Variants in WIPF1 observed in about 807,000 individuals in gnomAD.
WIPF1 encodes the protein WAS/WASL-interacting protein family member 1.
In WIPF1, 13 loss-of-function variants were observed where a neutral mutation model predicts 35.4. That is an observed-to-expected ratio of 0.37 (90% confidence interval 0.24 to 0.58). WIPF1 has a LOEUF of 0.58. WIPF1 is among the 20% of genes least tolerant of loss of function. The probability of loss-of-function intolerance (pLI) is 0.74; values close to 1 mark genes in which losing one functional copy is unlikely to be tolerated. For missense variants in WIPF1, 591 were observed against 667.0 expected, an observed-to-expected ratio of 0.89 and a Z score of 1.25; for synonymous variants, 267 against 266.3, an observed-to-expected ratio of 1.00 and a Z score of -0.02.
intron 1 of WIPF1, among the ~76,000 whole-genome samples, chr2:174,645,991 C>T (rs1251191202): frequency 6.6e-6 from 1 of 152,220 alleles, no homozygotes; most frequent in Non-Finnish European, 1.5e-5. Flanking sequence ...TACAGAACAA[C>T]AGACGTAGCA....
chr2:174,659,623 T>G (rs1311833721), intron 1 of WIPF1, among the ~76,000 whole-genome samples: 1 of 152,102 alleles, frequency 6.6e-6, no homozygotes, highest in East Asian at 1.9e-4. Context: ...GACTCCGGAT[T>G]ATCAACATTA....
chr2:174,572,078 A>AGGAGCTCAAGGG lies in WIPF1; in HGVS notation c.715_726dup (p.Pro239_Ser242dup). On this transcript the variant is annotated inframe_insertion, in exon 5 of 8. Transcript: ENST00000679041. ...GGAGGCCGGTTGGAGAAGGGCGAGG[A>AGGAGCTCAAGGG]GGAGCTCAAGGGGGACTGACGTATT... The AGGAGCTCAAGGG allele has an allele frequency of 6.4e-7, 1 of 1,568,146 alleles. No homozygotes were observed. Among genetic ancestry groups the AGGAGCTCAAGGG allele is most frequent in the Non-Finnish European group, 8.6e-7 (1 of 1,158,692 alleles).
At position 174,615,367 on chromosome 2, in the gene WIPF1, A is replaced by G. The variant is rs546240339; in HGVS notation, c.-38-29756T>C. 1.3e-4 allele frequency among the ~76,000 whole-genome samples: 20 copies of G among 152,336 alleles called. 1 individual carries two copies. The highest frequency in any genetic ancestry group is 4.6e-4 in the African/African-American group (19 of 41,586). ...GTTTTTAATGTATGAATCAGAGAAC[A>G]TAACAATCACTATAAATGTAGCATG... On this transcript the variant is annotated intron_variant, in intron 1 of 8. Transcript: ENST00000272746.
At chr2:174,595,109 A>ATATATATATAT (rs1553529786) in intron 1 of WIPF1, among the ~76,000 whole-genome samples, 5 of 57,750 alleles carry the variant, frequency 8.7e-5, no homozygotes, top group African/African-American at 4.5e-4. Context: ...AAAAAAAAAA[A>ATATATATATAT]ATATATATAT....
intron 1 of WIPF1, among the ~76,000 whole-genome samples, chr2:174,616,644 A>G (rs754586838): frequency 3.3e-5 from 5 of 152,240 alleles, no homozygotes; most frequent in Non-Finnish European, 5.9e-5. Flanking sequence ...GTTTAAAAAT[A>G]TTCTTCAAAT....
intron 2 of WIPF1, among the ~76,000 whole-genome samples, chr2:174,585,062 A>AG (rs2105840102): frequency 6.6e-6 from 1 of 152,262 alleles, no homozygotes; most frequent in Admixed American, 6.5e-5. Flanking sequence ...TGGGAAGAAG[A>AG]GGGGAAAAGG....
intron 1 of WIPF1, among the ~76,000 whole-genome samples, chr2:174,675,369 T>C (rs935831544): frequency 6.6e-6 from 1 of 152,326 alleles, no homozygotes; most frequent in Admixed American, 6.5e-5. Flanking sequence ...CTACTTATTT[T>C]TTTTTAGAGA....
chr2:174,576,868 G>A (rs1274138058), intron 3 of WIPF1, among the ~76,000 whole-genome samples: 1 of 152,126 alleles, frequency 6.6e-6, no homozygotes, highest in Non-Finnish European at 1.5e-5. Flanking sequence ...TTGTATTTAT[G>A]AGCTTAAACA....
At chr2:174,644,130 C>T (rs75645633) in intron 1 of WIPF1, among the ~76,000 whole-genome samples, 1 of 152,206 alleles carries the variant, frequency 6.6e-6, no homozygotes, top group East Asian at 1.9e-4. Flanking sequence ...CTTTTTCTGA[C>T]TGATCATGCT....
chr2:174,598,628 G>A (rs13411041), upstream of WIPF1, among the ~76,000 whole-genome samples: 45,931 of 152,046 alleles, frequency 0.3, 7,388 homozygotes, highest in Middle Eastern at 0.38. Flanking sequence ...CAGCAAATGA[G>A]TTTTGAAACG....
chr2:174,586,921 G>A (rs1191625184), intron 1 of WIPF1, among the ~76,000 whole-genome samples: 4 of 152,204 alleles, frequency 2.6e-5, no homozygotes, highest in African/African-American at 9.7e-5. Flanking sequence ...CGGGCAGTCT[G>A]GGTCACTGGC....
At chr2:174,661,874 G>C (rs776451406) in intron 1 of WIPF1, among the ~76,000 whole-genome samples, 1 of 152,158 alleles carries the variant, frequency 6.6e-6, no homozygotes, top group African/African-American at 2.4e-5. Flanking sequence ...GGTGTCTGGG[G>C]GGGTGTGGCT....
chr2:174,669,608 G>A (rs963681254), intron 1 of WIPF1, among the ~76,000 whole-genome samples: 3 of 152,344 alleles, frequency 2.0e-5, no homozygotes, highest in Non-Finnish European at 2.9e-5. Context: ...AGAGCTGGGC[G>A]CCGTGGCTCA....
chr2:174,584,604 A>G (rs1685341950), intron 2 of WIPF1, among the ~76,000 whole-genome samples: 1 of 152,168 alleles, frequency 6.6e-6, no homozygotes, highest in African/African-American at 2.4e-5. Flanking sequence ...AACTTCCCCA[A>G]AGAGGTCTAT....
chr2:174,649,023 GAGAA>G (rs1427429803), intron 1 of WIPF1, among the ~76,000 whole-genome samples: 1 of 152,150 alleles, frequency 6.6e-6, no homozygotes, highest in Non-Finnish European at 1.5e-5. Context: ...GAGGGAGAAG[GAGAA>G]AGAAAGTAAT....
In WIPF1 at chr2:174,575,399, C is replaced by T. The variant is rs756421959; in HGVS notation, c.182-19G>A. The T allele has an allele frequency of 1.9e-6, 3 of 1,593,106 alleles. No homozygotes were observed. The South Asian group carries it at 3.4e-5, about 18-fold the overall frequency. On this transcript the variant is annotated intron_variant, in intron 3 of 7. Coordinates refer to ENST00000679041, the MANE Select transcript of WIPF1 (RefSeq NM_001375834.1). ...TTAGGTTCTGTAGAAGAAGAGACAC[C>T]CGACAGACTATGCCCCCTGGTCTGG...
chr2:174,581,217 A>T (rs1685231173), intron 3 of WIPF1, 93 bp downstream of exon 3: 5 of 1,507,322 alleles, frequency 3.3e-6, no homozygotes, highest in Non-Finnish European at 4.4e-6. Flanking sequence ...TAACCAAAAA[A>T]TAAAATAAAA....
At chr2:174,624,188 A>G (rs1351651151) in intron 1 of WIPF1, among the ~76,000 whole-genome samples, 1 of 152,240 alleles carries the variant, frequency 6.6e-6, no homozygotes, top group Non-Finnish European at 1.5e-5. Flanking sequence ...GCAGGTGGTC[A>G]CCAACTGAAC....
chr2:174,572,846 C>G (rs1293034061), intron 4 of WIPF1, among the ~76,000 whole-genome samples: 1 of 152,128 alleles, frequency 6.6e-6, no homozygotes, highest in Non-Finnish European at 1.5e-5. Flanking sequence ...GCCCTTGTAC[C>G]TCTCAGTTTT....
Sources: allele counts gnomAD v4.1 joint callset (sites outside exome capture counted in the v4.1 genomes callset), GRCh38; gene constraint gnomAD v4.1.1; transcripts MANE v1.5; gene names NCBI Gene and HGNC (gene_info 2026-07-23, HGNC 2026-07-21).